Variants in ASTN1 observed in about 807,000 individuals in gnomAD.
ASTN1 encodes the protein astrotactin 1.
ASTN1 carries 41 observed loss-of-function variants against 140.7 expected under a neutral mutation model. The ratio of observed to expected loss-of-function variants is 0.29; its 90% CI spans 0.23 to 0.38. The LOEUF (loss-of-function observed/expected upper bound fraction) is 0.38. Ranked by LOEUF, ASTN1 falls within the 10% of genes least tolerant of loss-of-function variation. The probability of loss-of-function intolerance (pLI) is 1.00; values close to 1 mark genes in which losing one functional copy is unlikely to be tolerated. For missense variants in ASTN1, 1,479 were observed against 1,678.8 expected (o/e 0.88, Z 2.08); for synonymous variants, 640 against 652.2 (o/e 0.98, Z 0.29).
Position 177,123,638 on chromosome 1 carries a change from G to C in ASTN1, c.283+40756C>G, listed in dbSNP as rs227513. Among the ~76,000 whole-genome samples, 180 of 152,080 alleles carry C rather than the reference G, an allele frequency of 1.2e-3. 4 individuals are homozygous for C. In the South Asian group the frequency reaches 0.036, roughly 31 times the overall value. On this transcript the variant is annotated intron_variant, in intron 1 of 22. Transcript: ENST00000361833. Reference sequence around the variant, plus strand: ...ATCTGGCTACCCTAACCTCAACCCAGTGGGCTACTGGGTGGCCCCTGGGCT... The same window carrying C: ...ATCTGGCTACCCTAACCTCAACCCACTGGGCTACTGGGTGGCCCCTGGGCT...
intron 7 of ASTN1, among the ~76,000 whole-genome samples, chr1:177,017,805 T>C (rs1675633909): frequency 6.6e-6 from 1 of 152,168 alleles, no homozygotes; most frequent in Admixed American, 6.5e-5. Flanking sequence ...CTGTGCTTGG[T>C]ACCCTGACAG....
chr1:177,018,240 A>G (rs1675653390), intron 7 of ASTN1, among the ~76,000 whole-genome samples: 1 of 152,208 alleles, frequency 6.6e-6, no homozygotes, highest in Non-Finnish European at 1.5e-5. Context: ...AAGGTGCTTT[A>G]ATGGAGTTAC....
chr1:176,952,278 C>T (rs1231514119), intron 11 of ASTN1, among the ~76,000 whole-genome samples: 1 of 151,994 alleles, frequency 6.6e-6, no homozygotes, highest in East Asian at 1.9e-4. Context: ...CACACAAACA[C>T]ACACACACAC....
At chr1:177,085,180 C>T (rs566426780) in intron 1 of ASTN1, among the ~76,000 whole-genome samples, 8 of 152,240 alleles carry the variant, frequency 5.3e-5, no homozygotes, top group East Asian at 3.9e-4. Flanking sequence ...ACATTTGTTC[C>T]GAATTCAGCT....
At chr1:177,065,214 A>T (rs189461893) in intron 1 of ASTN1, among the ~76,000 whole-genome samples, 1 of 152,290 alleles carries the variant, frequency 6.6e-6, no homozygotes, top group Admixed American at 6.5e-5. Context: ...CACCAATGGC[A>T]TCATCACGCT....
intron 1 of ASTN1, among the ~76,000 whole-genome samples, chr1:177,116,053 C>T (rs77908637): frequency 0.015 from 2,226 of 152,224 alleles, 18 homozygotes; most frequent in African/African-American, 0.022. Flanking sequence ...ATCTCAGCAT[C>T]TAGGATTCCT....
intron 11 of ASTN1, among the ~76,000 whole-genome samples, chr1:176,956,693 T>C (rs949084310): frequency 6.6e-6 from 1 of 152,156 alleles, no homozygotes. Context: ...TCTTGAGGAC[T>C]ACATCATTCT....
At position 176,980,152 on chromosome 1, in the gene ASTN1, G is replaced by C. The variant is rs182607932; in HGVS notation, c.1524-14915C>G. ...GGGCAAAGATTGGAGAAATTGAGGA[G>C]TTGAAACAACAATTTAGGGTGGAGA... On this transcript the variant is annotated intron_variant, in intron 8 of 22. Coordinates refer to ENST00000361833, the MANE Select transcript of ASTN1 (RefSeq NM_004319.3). Among the ~76,000 whole-genome samples the C allele has an allele frequency of 5.3e-5, 8 of 152,206 alleles. No homozygotes were observed. The East Asian group carries it at 1.4e-3, about 26-fold the overall frequency.
At chr1:176,896,773 A>C (rs1352060037) in intron 16 of ASTN1, among the ~76,000 whole-genome samples, 1 of 152,166 alleles carries the variant, frequency 6.6e-6, no homozygotes, top group Non-Finnish European at 1.5e-5. Flanking sequence ...ACCACTTTGC[A>C]AATCCTTACA....
At position 176,932,342 on chromosome 1, in the gene ASTN1, G is replaced by A. The variant is rs530964696; in HGVS notation, c.2671+1810C>T. On this transcript the variant is annotated intron_variant, in intron 16 of 22. Transcript: ENST00000361833. Reference sequence around the variant, plus strand: ...CTGTATCAGCCCTCTCAGAGAGCAGGACAGAAGAATATCTCCCTTTGTCTT... The same window carrying A: ...CTGTATCAGCCCTCTCAGAGAGCAGAACAGAAGAATATCTCCCTTTGTCTT... Among the ~76,000 whole-genome samples the A allele has an allele frequency of 2.6e-5, 4 of 152,274 alleles. No homozygotes were observed. In the South Asian group the frequency reaches 8.3e-4, roughly 32 times the overall value.
At chr1:176,925,832 G>A (rs1165820993) in intron 16 of ASTN1, among the ~76,000 whole-genome samples, 1 of 148,348 alleles carries the variant, frequency 6.7e-6, no homozygotes, top group East Asian at 2.0e-4. Context: ...TTTTTGAGGA[G>A]TCTCGCTCTG....
chr1:177,134,473 G>A (rs534289777), intron 1 of ASTN1, among the ~76,000 whole-genome samples: 26 of 152,270 alleles, frequency 1.7e-4, no homozygotes, highest in African/African-American at 6.3e-4. Context: ...TATTCTTGAT[G>A]TTGGTCTGTT....
chr1:176,945,913 A>C lies in ASTN1; in HGVS notation c.2249+13T>G. Reference sequence around the variant, plus strand: ...CAGTCTTGAACAATCAGTTCTATGTATATGAGGTTTACCTGAATGTTCCTT... The same window carrying C: ...CAGTCTTGAACAATCAGTTCTATGTCTATGAGGTTTACCTGAATGTTCCTT... On this transcript the variant is annotated intron_variant, in intron 13 of 22. Coordinates refer to ENST00000361833, the MANE Select transcript of ASTN1 (RefSeq NM_004319.3). 1 of 1,599,108 alleles carries C rather than the reference A, an allele frequency of 6.3e-7. No homozygotes were observed. Among genetic ancestry groups the C allele is most frequent in the Non-Finnish European group, 8.5e-7 (1 of 1,171,120 alleles).
chr1:177,052,365 C>T (rs989762601), intron 2 of ASTN1, among the ~76,000 whole-genome samples: 8 of 151,992 alleles, frequency 5.3e-5, no homozygotes, highest in Non-Finnish European at 1.0e-4. Flanking sequence ...CCAGGCACTA[C>T]GGGAAGTGGT....
At chr1:176,974,096 C>T (rs1673258306) in intron 8 of ASTN1, among the ~76,000 whole-genome samples, 1 of 152,150 alleles carries the variant, frequency 6.6e-6, no homozygotes, top group African/African-American at 2.4e-5. Context: ...TTTTGGGTAA[C>T]TTCCATTCTA....
chr1:177,140,066 A>G (rs1338591597), intron 1 of ASTN1, among the ~76,000 whole-genome samples: 3 of 152,326 alleles, frequency 2.0e-5, no homozygotes, highest in East Asian at 1.9e-4. Context: ...GTTGGCCCCA[A>G]TCTGAGAAAA....
intron 8 of ASTN1, among the ~76,000 whole-genome samples, chr1:176,968,217 G>A (rs998261637): frequency 1.5e-4 from 23 of 152,348 alleles, no homozygotes; most frequent in Non-Finnish European, 2.1e-4. Context: ...TAATTAAAGT[G>A]CCTAGAACAG....
At chr1:177,031,015 G>A in intron 3 of ASTN1, 63 bp from the exon 4 acceptor site, 3 of 1,533,374 alleles carry the variant, frequency 2.0e-6, no homozygotes, top group Admixed American at 1.8e-5. Flanking sequence ...GGGAGAAGAA[G>A]GAAATCTGCA....
chr1:177,021,817 A>C (rs1205905092), intron 7 of ASTN1, among the ~76,000 whole-genome samples: 1 of 152,170 alleles, frequency 6.6e-6, no homozygotes, highest in Non-Finnish European at 1.5e-5. Context: ...TTCCAATCCA[A>C]GCCAGCTGGA....
Sources: allele counts gnomAD v4.1 joint callset (sites outside exome capture counted in the v4.1 genomes callset), GRCh38; gene constraint gnomAD v4.1.1; transcripts MANE v1.5; gene names NCBI Gene and HGNC (gene_info 2026-07-23, HGNC 2026-07-21).